Variants in CCDC152 observed in about 807,000 individuals in gnomAD.
CCDC152 encodes the protein coiled-coil domain containing 152, also known as coiled-coil domain-containing protein 152.
Under a neutral mutation model 38.1 loss-of-function variants are expected in CCDC152, and 37 were observed. That is an observed-to-expected ratio of 0.97 (90% confidence interval 0.75 to 1.28). The LOEUF is 1.28. Among genes scored for constraint, CCDC152 ranks in the 50% most tolerant of loss-of-function variants. CCDC152 has a pLI of 0.00. For missense variants in CCDC152, 259 were observed against 292.1 expected (o/e 0.89, Z 0.83); for synonymous variants, 83 against 87.1 (o/e 0.95, Z 0.26).
At chr5:42,765,415 C>G (rs529482415) in intron 3 of CCDC152, among the ~76,000 whole-genome samples, 51 of 152,048 alleles carry the variant, frequency 3.4e-4, no homozygotes, top group African/African-American at 1.2e-3. Flanking sequence ...AAAAAACAAT[C>G]TGAAAATTTG....
chr5:42,774,583 AGGGG>A, intron 4 of CCDC152, among the ~76,000 whole-genome samples: 1 of 152,122 alleles, frequency 6.6e-6, no homozygotes, highest in Admixed American at 6.5e-5. Flanking sequence ...ATCTCACCAA[AGGGG>A]AGAGGGACTA....
intron 1 of CCDC152, among the ~76,000 whole-genome samples, chr5:42,757,798 C>A (rs760338849): frequency 1.1e-4 from 17 of 151,858 alleles, no homozygotes; most frequent in Non-Finnish European, 2.2e-4. Context: ...AAATCAAGCT[C>A]AAATTTAAAT....
Position 42,783,533 on chromosome 5 carries a change from T to A in CCDC152, c.387T>A (p.Tyr129Ter). 1 of 1,392,780 alleles carries A rather than the reference T, an allele frequency of 7.2e-7. No individual in the cohort carries two copies. Among genetic ancestry groups the A allele is most frequent in the Non-Finnish European group, 9.4e-7 (1 of 1,061,948 alleles). The allele number at this position is 1,392,780 out of a possible 1,614,324, so 86.3% of individuals were successfully genotyped here. ...VSEMKIKEEG[Y>*]KKEISKLYQD... ...AAATGAAAATCAAAGAGGAGGGATA[T>A]AAGAAAGAAATAAGCAAACTTTATC... Residue 129 changes from tyrosine (Y) to a stop codon, truncating the protein, a stop_gained, in exon 6 of 9, where the codon TAT (tyrosine) becomes TAA (stop). Coordinates refer to ENST00000361970, the MANE Select transcript of CCDC152 (RefSeq NM_001134848.2). LOFTEE classifies it high-confidence loss of function.
intron 4 of CCDC152, among the ~76,000 whole-genome samples, chr5:42,777,757 A>C (rs925376064): frequency 1.3e-5 from 2 of 152,204 alleles, no homozygotes; most frequent in African/African-American, 4.8e-5. Flanking sequence ...TGTGGACCCT[A>C]TTTCCAAGGC....
intron 6 of CCDC152, among the ~76,000 whole-genome samples, chr5:42,786,315 G>A (rs1240646427): frequency 6.6e-6 from 1 of 151,898 alleles, no homozygotes; most frequent in Non-Finnish European, 1.5e-5. Flanking sequence ...ACACATTAAT[G>A]GCCCATTTAG....
intron 3 of CCDC152, among the ~76,000 whole-genome samples, chr5:42,766,894 A>T (rs941226147): frequency 1.3e-5 from 2 of 152,164 alleles, no homozygotes; most frequent in African/African-American, 4.8e-5. Flanking sequence ...GTACATTTTA[A>T]AGTAACTTAA....
At chr5:42,775,855 A>G (rs1759761936) in intron 4 of CCDC152, among the ~76,000 whole-genome samples, 1 of 151,628 alleles carries the variant, frequency 6.6e-6, no homozygotes, top group Non-Finnish European at 1.5e-5. Context: ...GGTATAATGG[A>G]TTTGAAAGTG....
At chr5:42,758,758 A>C (rs1759512279) in intron 1 of CCDC152, among the ~76,000 whole-genome samples, 1 of 152,262 alleles carries the variant, frequency 6.6e-6, no homozygotes, top group South Asian at 2.1e-4. Flanking sequence ...AATATAAGAA[A>C]TAAGCATAAC....
At chr5:42,767,586 G>A (rs1475143728) in intron 3 of CCDC152, among the ~76,000 whole-genome samples, 6 of 152,160 alleles carry the variant, frequency 3.9e-5, no homozygotes, top group Non-Finnish European at 8.8e-5. Context: ...AACAAACAGT[G>A]TGGATTAAAT....
chr5:42,799,267 C>G, intron 7 of CCDC152, 108 bp from the exon 8 acceptor site: 1 of 584,072 alleles, frequency 1.7e-6, no homozygotes, highest in Non-Finnish European at 2.9e-6. Context: ...CTGTAATTTA[C>G]ACCTGAATTA....
intron 5 of CCDC152, among the ~76,000 whole-genome samples, chr5:42,780,062 C>T (rs960512286): frequency 3.3e-5 from 5 of 152,044 alleles, no homozygotes; most frequent in South Asian, 2.1e-4. Flanking sequence ...ACATGAACAG[C>T]GTGTAAAAAG....
chr5:42,777,039 A>G (rs891822336), intron 4 of CCDC152, among the ~76,000 whole-genome samples: 4 of 152,082 alleles, frequency 2.6e-5, no homozygotes, highest in Non-Finnish European at 4.4e-5. Context: ...ATAAGTAAAA[A>G]AAAGAAATAA....
At chr5:42,781,290 G>C (rs1207000668) in intron 5 of CCDC152, among the ~76,000 whole-genome samples, 1 of 152,134 alleles carries the variant, frequency 6.6e-6, no homozygotes, top group Non-Finnish European at 1.5e-5. Context: ...ATTGCCAGCT[G>C]GGTTCACCTG....
At chr5:42,788,358 CAGCTAG>C (rs886873489) in intron 6 of CCDC152, among the ~76,000 whole-genome samples, 2 of 151,504 alleles carry the variant, frequency 1.3e-5, no homozygotes, top group Non-Finnish European at 2.9e-5. Flanking sequence ...CCCTCAAAGG[CAGCTAG>C]AGAAAATAGC....
At position 42,798,004 on chromosome 5, in the gene CCDC152, T is replaced by G. The variant is rs181076170; in HGVS notation, c.558+1048T>G. Among the ~76,000 whole-genome samples the G allele has an allele frequency of 1.3e-4, 19 of 151,878 alleles. No homozygotes were observed. The East Asian group carries it at 3.7e-3, about 29-fold the overall frequency. On this transcript the variant is annotated intron_variant, in intron 7 of 8. Coordinates refer to ENST00000361970, the MANE Select transcript of CCDC152 (RefSeq NM_001134848.2). ...TGTACTAAAAAAAAATTACAAAAAT[T>G]AACTGGGCGTGATGGCAGATGCCTG...
intron 1 of CCDC152, among the ~76,000 whole-genome samples, chr5:42,757,255 C>T (rs1016178528): frequency 2.0e-5 from 3 of 152,150 alleles, no homozygotes; most frequent in African/African-American, 7.2e-5. Flanking sequence ...GGGACCCAGG[C>T]TTCAGGACTG....
At chr5:42,791,177 A>C (rs1051318795) in intron 6 of CCDC152, among the ~76,000 whole-genome samples, 1 of 152,120 alleles carries the variant, frequency 6.6e-6, no homozygotes, top group African/African-American at 2.4e-5. Context: ...GTGTTCTTCC[A>C]TTTTTTATTT....
rs201579106 is a variant in CCDC152, at chr5:42,800,776, T to C, written c.*995T>C. 4,084 of 1,613,542 alleles carry C rather than the reference T, an allele frequency of 2.5e-3. 13 individuals carry two copies. The highest frequency in any genetic ancestry group is 2.7e-3 in the Non-Finnish European group (3,187 of 1,179,542). On this transcript the variant is annotated 3_prime_UTR_variant, in exon 9 of 9. Coordinates refer to ENST00000361970, the MANE Select transcript of CCDC152 (RefSeq NM_001134848.2). The stretch of plus-strand genomic sequence containing the variant: ...TGATTCTTTCAGCGTCAACTGGCAC[T>C]GGCTTCTGTGGGTATAAGCTGCTGA...
chr5:42,801,487 C>G lies in CCDC152; in HGVS notation c.*1706C>G, dbSNP rs1168569851. 2 of 574,992 alleles carry G rather than the reference C, an allele frequency of 3.5e-6. No homozygotes were observed. The highest frequency in any genetic ancestry group is 2.7e-5 in the South Asian group (1 of 36,456). The allele number at this position is 574,992 out of a possible 1,614,324, so 35.6% of individuals were successfully genotyped here. On this transcript the variant is annotated 3_prime_UTR_variant, in exon 9 of 9. Coordinates refer to ENST00000361970, the MANE Select transcript of CCDC152 (RefSeq NM_001134848.2). ...TAATGAGAAAGAGTCTGATGTTAGT[C>G]TCAACACCTAGACATTTTATTAAAG...
Sources: gnomAD v4.1 joint callset for allele counts (sites outside exome capture counted in the v4.1 genomes callset) on GRCh38, gnomAD v4.1.1 for gene constraint, MANE v1.5 for transcripts, NCBI Gene and HGNC (gene_info 2026-07-23, HGNC 2026-07-21) for gene names.